Variants in ABHD2 observed in about 807,000 individuals in gnomAD.
ABHD2 encodes monoacylglycerol lipase ABHD2.
In ABHD2, 20 loss-of-function variants were observed where a neutral mutation model predicts 48.1. That is an observed-to-expected ratio of 0.42 (90% CI 0.29 to 0.60). The LOEUF (loss-of-function observed/expected upper bound fraction) is 0.60. Among genes scored for constraint, ABHD2 ranks in the 20% least tolerant of loss-of-function variants. ABHD2 has a pLI of 0.24. For missense variants in ABHD2, 405 were observed against 550.9 expected (o/e 0.74, Z 2.65); for synonymous variants, 209 against 214.2 (o/e 0.98, Z 0.21).
At chr15:89,143,150 C>A (rs1013263569) in intron 3 of ABHD2, among the ~76,000 whole-genome samples, 2 of 152,096 alleles carry the variant, frequency 1.3e-5, no homozygotes, top group East Asian at 1.9e-4. Flanking sequence ...AGTTCTCTTG[C>A]GGCTGTTAGT....
At chr15:89,145,164 C>T (rs142730067) in intron 3 of ABHD2, among the ~76,000 whole-genome samples, 3 of 152,028 alleles carry the variant, frequency 2.0e-5, no homozygotes, top group Non-Finnish European at 4.4e-5. Flanking sequence ...GCTGAAGCAG[C>T]AGAATCACTT....
rs369234475 is a variant in ABHD2, at chr15:89,175,763, G to C, written c.539-49G>C. On this transcript the variant is annotated intron_variant, in intron 5 of 10. Transcript: ENST00000352732. The surrounding 1 kb of genome is among the most constrained non-coding windows in gnomAD (Gnocchi z 5.7). ...AACGTTCCAGCTTGCATTTTCTCCA[G>C]ATAGGATGCACCTGAAATGATTGAG... The C allele has an allele frequency of 9.4e-5, 151 of 1,607,466 alleles. No individual in the cohort carries two copies. Among genetic ancestry groups the C allele is most frequent in the Non-Finnish European group, 1.2e-4 (136 of 1,176,070 alleles).
At chr15:89,133,311 T>C (rs1329581824) in intron 3 of ABHD2, among the ~76,000 whole-genome samples, 2 of 152,256 alleles carry the variant, frequency 1.3e-5, no homozygotes, top group Non-Finnish European at 2.9e-5. Context: ...AGAGGTTTCC[T>C]TTATTTGTAA....
chr15:89,162,746 T>G (rs1009261976), intron 5 of ABHD2, among the ~76,000 whole-genome samples: 1 of 152,158 alleles, frequency 6.6e-6, no homozygotes, highest in Non-Finnish European at 1.5e-5. Flanking sequence ...TCAAGCCACT[T>G]AAGATTTGAA....
chr15:89,123,330 C>A (rs531267480), intron 3 of ABHD2, among the ~76,000 whole-genome samples: 10 of 152,130 alleles, frequency 6.6e-5, no homozygotes, highest in African/African-American at 2.4e-4. Flanking sequence ...AAGCTCCAAA[C>A]GGAAATCCAA....
chr15:89,159,906 G>GT (rs1289696095), intron 5 of ABHD2, among the ~76,000 whole-genome samples: 2 of 152,020 alleles, frequency 1.3e-5, no homozygotes, highest in African/African-American at 2.4e-5. Flanking sequence ...CATACTATTT[G>GT]TTTTTTTGTG....
At chr15:89,054,252 G>A in the ABHD2 span, among the ~76,000 whole-genome samples, 3 of 149,838 alleles carry the variant, frequency 2.0e-5, no homozygotes, top group East Asian at 2.0e-4. Context: ...AACCCAGGAG[G>A]TGGAAGTTGC....
At chr15:89,180,303 T>C (rs1403948693) in intron 6 of ABHD2, among the ~76,000 whole-genome samples, 1 of 152,084 alleles carries the variant, frequency 6.6e-6, no homozygotes, top group African/African-American at 2.4e-5. Context: ...TTTATCAGTA[T>C]AATGAGAGAC....
In ABHD2 at chr15:89,136,208, C is replaced by T. The variant is rs181511511; in HGVS notation, c.195-15469C>T. The T allele has an allele frequency of 3.5e-3, 993 of 284,926 alleles. 5 individuals are homozygous for T. Among genetic ancestry groups the T allele is most frequent in the African/African-American group, 0.017 (772 of 44,366 alleles). 17.6% of individuals were successfully genotyped at this position (284,926 alleles called of 1,614,324 possible). A position where few individuals can be genotyped will look rare whatever the true frequency, so the allele number is the denominator to read the frequency against. ...CCTCCCAAAGTGCTGAGATTACAGG[C>T]GTGAGCCACCACACCCAGCCTGAAC... On this transcript the variant is annotated intron_variant, in intron 3 of 10. Transcript: ENST00000352732.
intron 5 of ABHD2, among the ~76,000 whole-genome samples, chr15:89,170,499 T>C (rs2050907882): frequency 6.7e-6 from 1 of 148,732 alleles, no homozygotes; most frequent in African/African-American, 2.5e-5. Context: ...AACACCAAAA[T>C]GCTGCAGTGA....
At chr15:89,118,595 A>C (rs796367957) in intron 3 of ABHD2, among the ~76,000 whole-genome samples, 8 of 152,252 alleles carry the variant, frequency 5.3e-5, no homozygotes, top group African/African-American at 1.9e-4. Context: ...TCATTCTTAG[A>C]GAGCTCTTGA....
chr15:89,178,407 C>T (rs1018207372), intron 6 of ABHD2, among the ~76,000 whole-genome samples: 3 of 152,222 alleles, frequency 2.0e-5, no homozygotes, highest in Non-Finnish European at 4.4e-5. Flanking sequence ...ATAAGTGCTT[C>T]CCATCACACC....
chr15:89,176,546 C>T lies in ABHD2; in HGVS notation c.722+551C>T, dbSNP rs921533334. 9.2e-5 allele frequency among the ~76,000 whole-genome samples: 14 copies of T among 152,134 alleles called. No individual in the cohort carries two copies. Among genetic ancestry groups the T allele is most frequent in the African/African-American group, 3.4e-4 (14 of 41,426 alleles). ...CTACTGGGTCAAGCTTTCTCCCACC[C>T]CTTAGTCTCTTGCCAGTAGATGCCC... is the stretch of plus-strand genomic sequence containing the variant. On this transcript the variant is annotated intron_variant, in intron 6 of 10. Transcript: ENST00000352732. This position sits in a 1 kb window ranked among gnomAD's most constrained non-coding sequence, Gnocchi z 4.5.
intron 5 of ABHD2, among the ~76,000 whole-genome samples, chr15:89,158,464 C>G (rs1393975639): frequency 6.6e-6 from 1 of 152,162 alleles, no homozygotes; most frequent in African/African-American, 2.4e-5. Flanking sequence ...AGCTGAAGAG[C>G]AGAGAAGAAT....
intron 7 of ABHD2, among the ~76,000 whole-genome samples, chr15:89,187,955 A>G (rs535851590): frequency 6.6e-6 from 1 of 152,320 alleles, no homozygotes; most frequent in South Asian, 2.1e-4. Context: ...AGGTTTTTTA[A>G]TATTCAACTA....
chr15:89,059,498 C>A, the ABHD2 span, among the ~76,000 whole-genome samples: 27 of 152,096 alleles, frequency 1.8e-4, no homozygotes, highest in Non-Finnish European at 3.1e-4. Context: ...GGAAGGCAGC[C>A]CTGAATTTCT....
At chr15:89,131,748 T>C (rs2050222971) in intron 3 of ABHD2, among the ~76,000 whole-genome samples, 1 of 152,156 alleles carries the variant, frequency 6.6e-6, no homozygotes, top group Admixed American at 6.5e-5. Flanking sequence ...TTATAAACAC[T>C]GAAAATTAAC....
intron 9 of ABHD2, among the ~76,000 whole-genome samples, chr15:89,191,554 C>T (rs1415357349): frequency 2.6e-5 from 4 of 152,072 alleles, no homozygotes; most frequent in African/African-American, 9.7e-5. Flanking sequence ...AAATTCCTGC[C>T]ATGATCTGGT....
chr15:89,087,837 G>C (rs1901417209), upstream of ABHD2: 1 of 152,350 alleles, frequency 6.6e-6, no homozygotes, highest in Admixed American at 6.5e-5. The surrounding 1 kb of genome is among the most constrained non-coding windows in gnomAD (Gnocchi z 5.5). Context: ...GTCCGGAGCT[G>C]GAAGAGGCCA....
Sources: allele counts gnomAD v4.1 joint callset (sites outside exome capture counted in the v4.1 genomes callset), GRCh38; gene constraint gnomAD v4.1.1; non-coding constraint Gnocchi (gnomAD v3.1); transcripts MANE v1.5; gene names NCBI Gene and HGNC (gene_info 2026-07-23, HGNC 2026-07-21).